The following MTUS1 variants were observed in gnomAD, a reference collection of about 807,000 sequenced individuals.
MTUS1 encodes the protein microtubule associated scaffold protein 1.
MTUS1 carries 109 observed loss-of-function variants against 120.8 expected under a neutral mutation model. The ratio of observed to expected loss-of-function variants is 0.90; its 90% CI spans 0.77 to 1.06. The LOEUF (loss-of-function observed/expected upper bound fraction) is 1.06, where lower values mean the gene tolerates loss of function less well. MTUS1 is among the 50% of genes least tolerant of loss of function. The pLI, the probability that MTUS1 is intolerant of heterozygous loss-of-function variation, is 0.00. For synonymous variants in MTUS1, 737 were observed against 550.5 expected (o/e 1.34, Z -4.74); for missense variants, 2,210 against 1,486.3 (o/e 1.49, Z -8.01).
chr8:17,795,251 A>G (rs1315791462), intron 1 of MTUS1, among the ~76,000 whole-genome samples: 1 of 152,204 alleles, frequency 6.6e-6, no homozygotes, highest in Non-Finnish European at 1.5e-5. Flanking sequence ...TAGTCTCCTG[A>G]TAAGTATGAG....
At chr8:17,667,949 T>C (rs1811241897) in intron 8 of MTUS1, among the ~76,000 whole-genome samples, 2 of 152,206 alleles carry the variant, frequency 1.3e-5, no homozygotes, top group Admixed American at 1.3e-4. Flanking sequence ...CAACTGGTCT[T>C]TTTACACTAT....
chr8:17,743,535 A>C (rs2047499342), intron 3 of MTUS1, 69 bp downstream of exon 3: 1 of 1,437,776 alleles, frequency 7.0e-7, no homozygotes, highest in Non-Finnish European at 9.5e-7. Context: ...AAGGCATTAG[A>C]CCTATAATCA....
At chr8:17,783,818 C>T (rs923675468) in intron 1 of MTUS1, among the ~76,000 whole-genome samples, 14 of 152,158 alleles carry the variant, frequency 9.2e-5, no homozygotes, top group South Asian at 2.1e-4. Flanking sequence ...CCATCCTTAA[C>T]GGCAATCTGA....
chr8:17,759,250 A>G (rs959958475), intron 1 of MTUS1, among the ~76,000 whole-genome samples: 3 of 150,208 alleles, frequency 2.0e-5, no homozygotes, highest in Non-Finnish European at 3.0e-5. Flanking sequence ...GTTTGTTTTT[A>G]CCAGTTGTCT....
chr8:17,693,854 C>T (rs1218141932), intron 6 of MTUS1, among the ~76,000 whole-genome samples: 1 of 152,164 alleles, frequency 6.6e-6, no homozygotes, highest in Non-Finnish European at 1.5e-5. Context: ...TACCATTATG[C>T]CTGGTACACA....
At chr8:17,668,635 T>C (rs1811401304) in intron 8 of MTUS1, among the ~76,000 whole-genome samples, 1 of 152,346 alleles carries the variant, frequency 6.6e-6, no homozygotes, top group Non-Finnish European at 1.5e-5. Context: ...ATCTTTTCTT[T>C]TCAAGATGTG....
Position 17,793,169 on chromosome 8 carries a change from A to G in MTUS1, c.-155+7892T>C, listed in dbSNP as rs181228100. Among the ~76,000 whole-genome samples the G allele has an allele frequency of 7.2e-4, 109 of 152,346 alleles. 1 individual carries two copies. The highest frequency in any genetic ancestry group is 2.2e-3 in the Admixed American group (33 of 15,292). On this transcript the variant is annotated intron_variant, in intron 1 of 14. Transcript: ENST00000693296. ...CGAATAGGGAATGTCATAAATCATG[A>G]GTGGAATCAATTACGTACATGTATT...
chr8:17,800,910 C>T (rs2052634585), intron 1 of MTUS1, 151 bp downstream of exon 1: 1 of 152,500 alleles, frequency 6.6e-6, no homozygotes, highest in Non-Finnish European at 1.5e-5. Context: ...GGCGCTGCCG[C>T]CCCCTTTAGC....
chr8:17,757,964 T>C (rs771754176), intron 1 of MTUS1, among the ~76,000 whole-genome samples: 1 of 152,180 alleles, frequency 6.6e-6, no homozygotes, highest in Non-Finnish European at 1.5e-5. Context: ...TATATTCTGA[T>C]GGAAAGTGTA....
At position 17,746,355 on chromosome 8, in the gene MTUS1, G is replaced by A. The variant is rs549622761; in HGVS notation, c.2092-2556C>T. ...CTCAGCATCCTTCAAGCACCTCTAC[G>A]TATTAGTCCATTTTCACAACGCTGA... On this transcript the variant is annotated intron_variant, in intron 2 of 14. Coordinates refer to ENST00000693296, the MANE Select transcript of MTUS1 (RefSeq NM_001363059.2). Among the ~76,000 whole-genome samples, 197 of 152,112 alleles carry A rather than the reference G, an allele frequency of 1.3e-3. 1 individual carries two copies. Among genetic ancestry groups the A allele is most frequent in the Non-Finnish European group, 1.6e-3 (108 of 68,014 alleles).
chr8:17,679,622 C>G (rs1179250277), intron 7 of MTUS1, among the ~76,000 whole-genome samples: 1 of 152,074 alleles, frequency 6.6e-6, no homozygotes, highest in African/African-American at 2.4e-5. Flanking sequence ...ATGCCTCAGT[C>G]TCTTGAGTAG....
At chr8:17,749,882 T>C (rs540143483) in intron 2 of MTUS1, among the ~76,000 whole-genome samples, 2 of 152,178 alleles carry the variant, frequency 1.3e-5, no homozygotes, top group Admixed American at 6.5e-5. Context: ...GGCTGTGTCA[T>C]GGGCCACTGG....
At chr8:17,676,090 C>T in intron 7 of MTUS1, 1 of 572,264 alleles carries the variant, frequency 1.7e-6, no homozygotes, top group South Asian at 2.3e-5. Context: ...TGAAAAATGC[C>T]CTCACGAGGA....
At chr8:17,710,725 G>T (rs150759825) in intron 6 of MTUS1, among the ~76,000 whole-genome samples, 1 of 152,114 alleles carries the variant, frequency 6.6e-6, no homozygotes, top group Non-Finnish European at 1.5e-5. Context: ...ACTTTGCCCC[G>T]TTCCATCAGA....
At position 17,653,501 on chromosome 8, in the gene MTUS1, G is replaced by A; in HGVS notation, c.3215-3C>T. Reference sequence around the variant, plus strand: ...TATTTCATGGCCTTTCTTAATTTCTGGGAAAATAAACGGATATTTTTGAGG... The same window carrying A: ...TATTTCATGGCCTTTCTTAATTTCTAGGAAAATAAACGGATATTTTTGAGG... On this transcript the variant is annotated splice_polypyrimidine_tract_variant and splice_region_variant and intron_variant, in intron 10 of 14. Transcript: ENST00000693296. 1 of 1,601,720 alleles carries A rather than the reference G, an allele frequency of 6.2e-7. No homozygotes were observed. The highest frequency in any genetic ancestry group is 8.5e-7 in the Non-Finnish European group (1 of 1,172,502).
At chr8:17,798,338 A>AT (rs1275134105) in intron 1 of MTUS1, among the ~76,000 whole-genome samples, 3,642 of 147,830 alleles carry the variant, frequency 0.025, 134 homozygotes, top group African/African-American at 0.084. Context: ...AATTTGGGGA[A>AT]TTTTTTTTTT....
chr8:17,757,459 T>C (rs2048711397), intron 1 of MTUS1, among the ~76,000 whole-genome samples: 1 of 152,200 alleles, frequency 6.6e-6, no homozygotes, highest in African/African-American at 2.4e-5. Context: ...ACTACTGAAT[T>C]GTACACTTAA....
chr8:17,777,599 AG>A (rs2050556718), intron 1 of MTUS1, among the ~76,000 whole-genome samples: 1 of 152,176 alleles, frequency 6.6e-6, no homozygotes, highest in African/African-American at 2.4e-5. Context: ...CAACATACCA[AG>A]GGGAGCAGAA....
At position 17,684,485 on chromosome 8, in the gene MTUS1, G is replaced by C. The variant is rs759196157; in HGVS notation, c.2681C>G (p.Pro894Arg). The C allele has an allele frequency of 1.2e-6, 2 of 1,614,142 alleles. No individual in the cohort carries two copies. Among genetic ancestry groups the C allele is most frequent in the East Asian group, 4.5e-5 (2 of 44,880 alleles). Reference protein sequence around the residue: ...RSLCIQPQTAPDALPPEKTLE... With the variant: ...RSLCIQPQTARDALPPEKTLE... ...TGTTTTCTCAGGGGGCAGCGCATCG[G>C]GAGCTGTCTGTGGCTGGATACATAA... is the stretch of plus-strand genomic sequence containing the variant. Residue 894 changes from proline to arginine, a missense_variant, in exon 7 of 15, where the codon CCC (proline) becomes CGC (arginine). Coordinates refer to ENST00000693296, the MANE Select transcript of MTUS1 (RefSeq NM_001363059.2).
Sources: gnomAD v4.1 joint callset for allele counts (sites outside exome capture counted in the v4.1 genomes callset) on GRCh38, gnomAD v4.1.1 for gene constraint, MANE v1.5 for transcripts, NCBI Gene and HGNC (gene_info 2026-07-23, HGNC 2026-07-21) for gene names.